Variants in TTC28 observed in about 807,000 individuals in gnomAD.
The protein encoded by TTC28 is tetratricopeptide repeat domain 28.
TTC28 carries 61 observed loss-of-function variants against 198.0 expected under a neutral mutation model. That is an observed-to-expected ratio of 0.31 (90% CI 0.25 to 0.38). The LOEUF (loss-of-function observed/expected upper bound fraction) is 0.38. Among genes scored for constraint, TTC28 ranks in the 10% least tolerant of loss-of-function variants. The probability of loss-of-function intolerance (pLI) is 1.00; values close to 1 mark genes in which losing one functional copy is unlikely to be tolerated. For synonymous variants in TTC28, 1,171 were observed against 1,297.8 expected (o/e 0.90, Z 2.10); for missense variants, 2,678 against 3,164.0 (o/e 0.85, Z 3.69).
chr22:28,505,332 C>T (rs190540351), intron 2 of TTC28, among the ~76,000 whole-genome samples: 58 of 152,012 alleles, frequency 3.8e-4, no homozygotes, highest in Admixed American at 1.7e-3. Context: ...AGCAGCTGCG[C>T]TCTGCGGCAC....
At chr22:28,556,575 T>C (rs1193081265) in intron 2 of TTC28, among the ~76,000 whole-genome samples, 1 of 152,228 alleles carries the variant, frequency 6.6e-6, no homozygotes, top group African/African-American at 2.4e-5. Context: ...TTGTCTTTGA[T>C]GTTCTTTAGT....
chr22:28,179,992 T>C (rs1923547825), intron 5 of TTC28, among the ~76,000 whole-genome samples: 1 of 152,294 alleles, frequency 6.6e-6, no homozygotes, highest in Admixed American at 6.5e-5. Flanking sequence ...ATTTAGCTAA[T>C]CTTTAAAAAC....
intron 13 of TTC28, chr22:28,029,221 C>A: frequency 2.4e-6 from 1 of 419,806 alleles, no homozygotes. Context: ...ACCAGGCTGC[C>A]AGCTCCTACA....
At chr22:28,308,509 A>G (rs1307605252) in intron 2 of TTC28, among the ~76,000 whole-genome samples, 2 of 152,202 alleles carry the variant, frequency 1.3e-5, no homozygotes, top group African/African-American at 2.4e-5. Context: ...AACTTCTTAC[A>G]TATTTGAAGC....
At chr22:28,014,141 T>C in intron 14 of TTC28, 107 bp downstream of exon 14, 1 of 1,358,956 alleles carries the variant, frequency 7.4e-7, no homozygotes, top group Admixed American at 3.0e-5. Flanking sequence ...AAGCCTCCGG[T>C]TGTCTCGGGA....
intron 12 of TTC28, among the ~76,000 whole-genome samples, chr22:28,033,774 C>A (rs1351810736): frequency 6.6e-6 from 1 of 152,134 alleles, no homozygotes; most frequent in African/African-American, 2.4e-5. Context: ...AGCTTTGGTG[C>A]CCCTCACTCA....
At chr22:28,002,191 C>T (rs1937728133) in intron 14 of TTC28, 1 of 153,752 alleles carries the variant, frequency 6.5e-6, no homozygotes, top group African/African-American at 2.4e-5. Flanking sequence ...CCACAGCGGA[C>T]ACAGCCTCAT....
intron 2 of TTC28, among the ~76,000 whole-genome samples, chr22:28,460,565 T>TA (rs1235925349): frequency 2.0e-5 from 3 of 152,064 alleles, no homozygotes; most frequent in Non-Finnish European, 2.9e-5. Context: ...TGTATGTATG[T>TA]ATGTATGTAC....
chr22:28,326,254 G>T (rs2045528299), intron 2 of TTC28, among the ~76,000 whole-genome samples: 4 of 152,124 alleles, frequency 2.6e-5, no homozygotes, highest in East Asian at 1.9e-4. Context: ...CCATTTATAT[G>T]ACATTTGAAA....
intron 2 of TTC28, among the ~76,000 whole-genome samples, chr22:28,428,841 C>T (rs1349895902): frequency 1.3e-5 from 2 of 151,782 alleles, no homozygotes; most frequent in African/African-American, 4.8e-5. Context: ...GGGGTTCCAC[C>T]ATGATAGCCA....
intron 1 of TTC28, among the ~76,000 whole-genome samples, chr22:28,652,224 G>C (rs1391479934): frequency 6.6e-6 from 1 of 152,160 alleles, no homozygotes; most frequent in African/African-American, 2.4e-5. Flanking sequence ...AAGCATATAT[G>C]TGAAAAAGTT....
At chr22:28,179,125 T>C (rs1923453707) in intron 5 of TTC28, among the ~76,000 whole-genome samples, 1 of 152,082 alleles carries the variant, frequency 6.6e-6, no homozygotes, top group Non-Finnish European at 1.5e-5. Flanking sequence ...TGGGTCTATT[T>C]TAAGCACTAA....
intron 5 of TTC28, among the ~76,000 whole-genome samples, chr22:28,272,856 A>G (rs941014685): frequency 6.6e-6 from 1 of 152,162 alleles, no homozygotes; most frequent in South Asian, 2.1e-4. Context: ...CGTGAACCCA[A>G]GTGTCTGAGC....
chr22:28,043,580 T>G (rs1939750070), intron 12 of TTC28, among the ~76,000 whole-genome samples: 1 of 151,990 alleles, frequency 6.6e-6, no homozygotes, highest in Admixed American at 6.6e-5. Flanking sequence ...AGCTGAGCAG[T>G]GATGAGAACC....
At chr22:28,028,688 C>T in intron 13 of TTC28, 1 of 248,614 alleles carries the variant, frequency 4.0e-6, no homozygotes, top group South Asian at 4.3e-5. Context: ...ACAGACGTCT[C>T]ATCCCTTCCA....
At chr22:28,080,653 T>G (rs1418412637) in intron 12 of TTC28, among the ~76,000 whole-genome samples, 2 of 152,196 alleles carry the variant, frequency 1.3e-5, no homozygotes, top group South Asian at 2.1e-4. Context: ...AAATGTTAAT[T>G]ATTTCCTTTG....
chr22:28,456,809 C>G (rs1278354452), intron 2 of TTC28, among the ~76,000 whole-genome samples: 1 of 152,138 alleles, frequency 6.6e-6, no homozygotes, highest in Non-Finnish European at 1.5e-5. Flanking sequence ...CTCTTGACCT[C>G]GTGATCCGCC....
intron 2 of TTC28, among the ~76,000 whole-genome samples, chr22:28,483,224 T>C (rs924482486): frequency 1.3e-5 from 2 of 151,952 alleles, no homozygotes; most frequent in African/African-American, 4.8e-5. Flanking sequence ...TGAGAAAAAA[T>C]AAACAAGTAA....
intron 1 of TTC28, among the ~76,000 whole-genome samples, chr22:28,661,568 T>C (rs1323967700): frequency 6.6e-6 from 1 of 151,984 alleles, no homozygotes; most frequent in Non-Finnish European, 1.5e-5. Flanking sequence ...TACAGGTACA[T>C]GCCACCATAC....
Sources: gnomAD v4.1 joint callset for allele counts (sites outside exome capture counted in the v4.1 genomes callset) on GRCh38, gnomAD v4.1.1 for gene constraint, MANE v1.5 for transcripts, NCBI Gene and HGNC (gene_info 2026-07-23, HGNC 2026-07-21) for gene names.